RSF1: variants seen among roughly 807,000 people sequenced by gnomAD.
RSF1 encodes remodeling and spacing factor 1, also known as HBV pX-associated protein 8.
In RSF1, 13 loss-of-function variants were observed where a neutral mutation model predicts 145.2. The ratio of observed to expected loss-of-function variants is 0.09; its 90% CI spans 0.06 to 0.14. The LOEUF is 0.14. RSF1 is among the 10% of genes least tolerant of loss of function. RSF1 has a pLI of 1.00. For synonymous variants in RSF1, 577 were observed against 592.6 expected (o/e 0.97, Z 0.38); for missense variants, 1,517 against 1,718.2 (o/e 0.88, Z 2.07).
rs1359541528 is a variant in RSF1 at position 77,672,037 on chromosome 11, C to T, written c.3751+5G>A. Reference sequence around the variant, plus strand: ...ACTTCTATATATAGGAGACCTATGCCTTACCTTCACTCTCTGAGCTGGAAA... The same window carrying T: ...ACTTCTATATATAGGAGACCTATGCTTTACCTTCACTCTCTGAGCTGGAAA... On this transcript the variant is annotated splice_donor_5th_base_variant and intron_variant, in intron 15 of 15. Coordinates refer to ENST00000308488, the MANE Select transcript of RSF1 (RefSeq NM_016578.4). The T allele has an allele frequency of 6.2e-7, 1 of 1,607,362 alleles. No homozygotes were observed. Among genetic ancestry groups the T allele is most frequent in the East Asian group, 2.2e-5 (1 of 44,850 alleles).
chr11:77,861,016 C>G, the RSF1 span, among the ~76,000 whole-genome samples: 1 of 152,050 alleles, frequency 6.6e-6, no homozygotes, highest in African/African-American at 2.4e-5. Context: ...TTTCTTGAGT[C>G]CTTGTTGGGC....
Position 77,820,698 on chromosome 11 carries a change from G to T in RSF1, c.17C>A (p.Ala6Glu). The change falls in exon 1 of 16, where the codon GCA becomes GAA. Residue 6 changes from alanine to glutamate, a missense_variant. Physicochemically the swap from Ala to Glu is moderately radical, Grantham distance 107 (BLOSUM62 -1). Transcript: ENST00000308488. ...CGGAGGAGCCATCACCGCCGCCGCT[G>T]CCGCCGCCGTCGCCATTTTGAACTG... Reference protein sequence around the residue: MATAAAAAAVMAPPGC... With the variant: MATAAEAAAVMAPPGC... 9.7e-6 allele frequency: 15 copies of T among 1,550,010 alleles called. No homozygotes were observed. Among genetic ancestry groups the T allele is most frequent in the Non-Finnish European group, 1.3e-5 (15 of 1,148,068 alleles).
chr11:77,721,899 G>A (rs1296789925), intron 5 of RSF1, among the ~76,000 whole-genome samples: 1 of 152,206 alleles, frequency 6.6e-6, no homozygotes, highest in Non-Finnish European at 1.5e-5. Context: ...TAGGCTGTGC[G>A]CAGTTGCTCA....
At chr11:77,828,588 G>T in the RSF1 span, among the ~76,000 whole-genome samples, 1 of 149,748 alleles carries the variant, frequency 6.7e-6, no homozygotes, top group African/African-American at 2.5e-5. Flanking sequence ...GAAGAATGGC[G>T]TGAACCCGGG....
chr11:77,780,151 G>C (rs1285259017), intron 1 of RSF1, among the ~76,000 whole-genome samples: 1 of 152,178 alleles, frequency 6.6e-6, no homozygotes, highest in African/African-American at 2.4e-5. Flanking sequence ...ACCTAGGACA[G>C]TGGCTAGCAC....
chr11:77,782,347 C>A (rs879835694), intron 1 of RSF1, among the ~76,000 whole-genome samples: 1 of 152,144 alleles, frequency 6.6e-6, no homozygotes, highest in Non-Finnish European at 1.5e-5. Flanking sequence ...TGGAGACCAG[C>A]CAGGCCAACA....
At chr11:77,737,753 A>G (rs910200659) in intron 4 of RSF1, among the ~76,000 whole-genome samples, 1 of 151,232 alleles carries the variant, frequency 6.6e-6, no homozygotes, top group Middle Eastern at 3.2e-3. Context: ...ACACCAGGGG[A>G]ATTTTCTGAC....
chr11:77,739,849 G>A lies in RSF1; in HGVS notation c.578+882C>T, dbSNP rs191766040. 8.1e-4 allele frequency among the ~76,000 whole-genome samples: 124 copies of A among 152,162 alleles called. No individual in the cohort carries two copies. In the Middle Eastern group the frequency reaches 0.014, roughly 17 times the overall value. ...TAACGGTTCTAGTATTACTCATAGG[G>A]TTTAGGTTATATTTCATGGTTATAT... On this transcript the variant is annotated intron_variant, in intron 4 of 15. Transcript: ENST00000308488.
At chr11:77,679,851 C>T (rs1042487733) in intron 11 of RSF1, among the ~76,000 whole-genome samples, 2 of 152,074 alleles carry the variant, frequency 1.3e-5, no homozygotes, top group African/African-American at 4.8e-5. Flanking sequence ...CTAAAGGATT[C>T]CTAAGATTTC....
chr11:77,800,222 T>C (rs1394535766), intron 1 of RSF1, among the ~76,000 whole-genome samples: 1 of 152,194 alleles, frequency 6.6e-6, no homozygotes, highest in Non-Finnish European at 1.5e-5. Flanking sequence ...TAGGGCGTAG[T>C]GGCTCATACC....
intron 1 of RSF1, among the ~76,000 whole-genome samples, chr11:77,787,553 C>T (rs559469308): frequency 5.3e-5 from 8 of 151,960 alleles, no homozygotes; most frequent in Non-Finnish European, 8.8e-5. Context: ...GCCCACAAAG[C>T]CTAAAATACG....
chr11:77,800,260 T>C (rs1260390145), intron 1 of RSF1, among the ~76,000 whole-genome samples: 2 of 151,908 alleles, frequency 1.3e-5, no homozygotes, highest in South Asian at 2.1e-4. Flanking sequence ...GGGAGGCCGA[T>C]GTGGGTGGAT....
chr11:77,869,306 C>CTCTTTTTTTTTTTTTT, the RSF1 span: 1 of 120,370 alleles, frequency 8.3e-6, no homozygotes, highest in Non-Finnish European at 1.8e-5. Context: ...TTATTTATCT[C>CTCTTTTTTTTTTTTTT]TTTTTCTTTT....
At chr11:77,842,533 C>A in the RSF1 span, 2 of 1,613,854 alleles carry the variant, frequency 1.2e-6, no homozygotes, top group Non-Finnish European at 1.7e-6. Context: ...ATCATGGGGG[C>A]AAATGAAAGT....
At chr11:77,827,759 G>A in the RSF1 span, among the ~76,000 whole-genome samples, 1 of 152,114 alleles carries the variant, frequency 6.6e-6, no homozygotes, top group Non-Finnish European at 1.5e-5. Flanking sequence ...TATACTGGAG[G>A]TTGTAGCCAG....
At chr11:77,855,170 C>T in the RSF1 span, among the ~76,000 whole-genome samples, 17 of 152,304 alleles carry the variant, frequency 1.1e-4, no homozygotes, top group South Asian at 1.5e-3. Context: ...TCCTAGGCCT[C>T]CAGGCCTGTG....
chr11:77,677,500 T>A (rs1009478812), intron 12 of RSF1, among the ~76,000 whole-genome samples: 1 of 152,184 alleles, frequency 6.6e-6, no homozygotes, highest in African/African-American at 2.4e-5. Context: ...GCAGCAAAAA[T>A]GTAAATAAAA....
intron 1 of RSF1, among the ~76,000 whole-genome samples, chr11:77,819,313 A>G (rs977635413): frequency 2.0e-5 from 3 of 152,268 alleles, no homozygotes; most frequent in Non-Finnish European, 4.4e-5. Flanking sequence ...TGCTCAGAGT[A>G]TAACAAAAAA....
intron 13 of RSF1, 46 bp downstream of exon 13, chr11:77,676,746 T>A (rs750431901): frequency 1.3e-6 from 2 of 1,562,550 alleles, no homozygotes; most frequent in African/African-American, 1.4e-5. Flanking sequence ...CCCAGTCCTG[T>A]TCCTGCTGGT....
Sources: allele counts gnomAD v4.1 joint callset (sites outside exome capture counted in the v4.1 genomes callset), GRCh38; gene constraint gnomAD v4.1.1; transcripts MANE v1.5; gene names NCBI Gene and HGNC (gene_info 2026-07-23, HGNC 2026-07-21).